Variants in SGCZ observed in about 807,000 individuals in gnomAD.
SGCZ encodes sarcoglycan zeta.
A neutral mutation model predicts 41.3 loss-of-function variants in SGCZ; 40 were observed. The ratio of observed to expected loss-of-function variants is 0.97; its 90% CI spans 0.75 to 1.26. SGCZ has a LOEUF of 1.26. Among genes scored for constraint, SGCZ ranks in the 50% most tolerant of loss-of-function variants. The probability of loss-of-function intolerance (pLI) is 0.00; values close to 1 mark genes in which losing one functional copy is unlikely to be tolerated. For missense variants in SGCZ, 552 were observed against 369.8 expected, an observed-to-expected ratio of 1.49 and a Z score of -4.04; for synonymous variants, 206 against 137.5, an observed-to-expected ratio of 1.50 and a Z score of -3.49.
intron 1 of SGCZ, among the ~76,000 whole-genome samples, chr8:14,650,923 G>T (rs551236218): frequency 3.3e-5 from 5 of 151,866 alleles, no homozygotes; most frequent in Non-Finnish European, 7.4e-5. Context: ...TATTTATAAG[G>T]CAGAGAATCT....
In SGCZ at chr8:14,775,460, A is replaced by ACTGTGTGTGTGT. The variant is rs1358479725; in HGVS notation, c.40-220535_40-220534insACACACACACAG. On this transcript the variant is annotated intron_variant, in intron 1 of 7. Transcript: ENST00000382080. ...GACAGTATGCTGAGTAGAATATTTG[A>ACTGTGTGTGTGT]GTGTGTGTGTGTGTGTGTGTGTGTG... Among the ~76,000 whole-genome samples, 505 of 149,310 alleles carry ACTGTGTGTGTGT rather than the reference A, an allele frequency of 3.4e-3. 5 individuals carry two copies. The highest frequency in any genetic ancestry group is 0.011 in the African/African-American group (439 of 40,706).
intron 1 of SGCZ, among the ~76,000 whole-genome samples, chr8:14,787,304 C>T (rs147713164): frequency 0.01 from 1,594 of 152,094 alleles, 8 homozygotes; most frequent in Middle Eastern, 0.021. Flanking sequence ...GTTGTGCAAA[C>T]CTCCCAAACT....
chr8:14,229,836 C>A lies in SGCZ; in HGVS notation c.424+7756G>T, dbSNP rs901991137. On this transcript the variant is annotated intron_variant, in intron 4 of 7. Coordinates refer to ENST00000382080, the MANE Select transcript of SGCZ (RefSeq NM_139167.4). ...GGGTCTTTAAATATTTATTATAAAA[C>A]CCTCATCTACATTTTTTCTCCATTC... Among the ~76,000 whole-genome samples the A allele has an allele frequency of 5.9e-5, 9 of 151,978 alleles. No homozygotes were observed. The South Asian group carries it at 1.2e-3, about 21-fold the overall frequency.
intron 1 of SGCZ, among the ~76,000 whole-genome samples, chr8:14,736,741 C>G: frequency 6.6e-6 from 1 of 152,038 alleles, no homozygotes; most frequent in Admixed American, 6.6e-5. Flanking sequence ...GTTTTCCATT[C>G]CTGAGTTACT....
chr8:14,872,662 C>T (rs1195256524), intron 1 of SGCZ, among the ~76,000 whole-genome samples: 7 of 151,988 alleles, frequency 4.6e-5, no homozygotes, highest in Non-Finnish European at 1.0e-4. Flanking sequence ...CTAAAGGCAC[C>T]ATAGATCCTG....
At chr8:14,133,437 A>G (rs1803100907) in intron 5 of SGCZ, among the ~76,000 whole-genome samples, 2 of 152,174 alleles carry the variant, frequency 1.3e-5, no homozygotes, top group African/African-American at 4.8e-5. Context: ...TGAAACAGAG[A>G]AGAGCATCTT....
intron 3 of SGCZ, among the ~76,000 whole-genome samples, chr8:14,255,434 A>C (rs1319183718): frequency 6.6e-6 from 1 of 152,042 alleles, no homozygotes; most frequent in African/African-American, 2.4e-5. Flanking sequence ...CTTTTAGCTT[A>C]CTGCTTCTAA....
intron 1 of SGCZ, among the ~76,000 whole-genome samples, chr8:14,558,511 G>T (rs924832388): frequency 6.7e-6 from 1 of 149,622 alleles, no homozygotes; most frequent in African/African-American, 2.5e-5. Flanking sequence ...GAAGGCAGAG[G>T]TTGCAGTGAG....
intron 5 of SGCZ, among the ~76,000 whole-genome samples, chr8:14,153,940 G>GACACACACAC (rs57842795): frequency 3.3e-3 from 467 of 142,842 alleles, no homozygotes; most frequent in Non-Finnish European, 4.8e-3. Context: ...CACACACACA[G>GACACACACAC]ACACACACAC....
chr8:14,590,183 C>A (rs1246545273), intron 1 of SGCZ, among the ~76,000 whole-genome samples: 3 of 151,596 alleles, frequency 2.0e-5, no homozygotes, highest in Admixed American at 2.0e-4. Context: ...CAATTTGAAT[C>A]CAAGAAAAAA....
In SGCZ at chr8:14,324,199, A is replaced by C; in HGVS notation, c.240T>G (p.Gly80=). ...ILKVMNFTVD[G]MGNLRVTKKG... is the part of the protein sequence containing the mutation. ...TCTTGGTGACTCTCAGATTTCCCAT[A>C]CCATCCTACAAGCAATGAAATATAG... The change falls in exon 3 of 8, where the codon GGT becomes GGG. Residue 80 remains glycine (G), a synonymous_variant. Coordinates refer to ENST00000382080, the MANE Select transcript of SGCZ (RefSeq NM_139167.4). 6.2e-7 allele frequency: 1 copy of C among 1,609,134 alleles called. No homozygotes were observed. Among genetic ancestry groups the C allele is most frequent in the South Asian group, 1.1e-5 (1 of 90,976 alleles).
chr8:14,423,180 G>T (rs1008465223), intron 2 of SGCZ, among the ~76,000 whole-genome samples: 5 of 151,776 alleles, frequency 3.3e-5, no homozygotes, highest in African/African-American at 4.8e-5. Flanking sequence ...GCGGAGGGGG[G>T]AGGGATAGCA....
chr8:14,748,283 G>C (rs573229524), intron 1 of SGCZ, among the ~76,000 whole-genome samples: 1 of 152,226 alleles, frequency 6.6e-6, no homozygotes, highest in East Asian at 1.9e-4. Flanking sequence ...AAAGAATTCA[G>C]ACCCAAGTTG....
intron 1 of SGCZ, among the ~76,000 whole-genome samples, chr8:14,895,130 C>G (rs1871700): frequency 0.29 from 44,300 of 151,938 alleles, 8,143 homozygotes; most frequent in African/African-American, 0.52. Flanking sequence ...TGTACTTGCT[C>G]TTAATTTATA....
At chr8:14,388,797 T>G (rs1274392366) in intron 2 of SGCZ, among the ~76,000 whole-genome samples, 1 of 150,224 alleles carries the variant, frequency 6.7e-6, no homozygotes, top group East Asian at 2.0e-4. Flanking sequence ...CCTGCATATG[T>G]ACTCCTGAAC....
chr8:14,167,822 CCAAAGTCATCTTTGGCTGA>C (rs1272874573), intron 4 of SGCZ, among the ~76,000 whole-genome samples: 1 of 152,100 alleles, frequency 6.6e-6, no homozygotes, highest in African/African-American at 2.4e-5. Context: ...TAATCAACAG[CCAAAGTCATCTTTGGCTGA>C]CAAAGAGAGA....
intron 2 of SGCZ, among the ~76,000 whole-genome samples, chr8:14,449,269 G>A (rs1210713158): frequency 6.6e-6 from 1 of 152,068 alleles, no homozygotes; most frequent in South Asian, 2.1e-4. Context: ...ACAAAACATT[G>A]GGTTCACATT....
rs968229778 is a variant in SGCZ at position 14,630,786 on chromosome 8, C to T, written c.40-75860G>A. ...TGTCACAAGGACGGAAAACCAAACA[C>T]CACGTGTTCTCACTCATAGGTGGGA... On this transcript the variant is annotated intron_variant, in intron 1 of 7. Coordinates refer to ENST00000382080, the MANE Select transcript of SGCZ (RefSeq NM_139167.4). Among the ~76,000 whole-genome samples the T allele has an allele frequency of 2.7e-5, 4 of 148,936 alleles. No homozygotes were observed. In the Admixed American group the frequency reaches 2.8e-4, roughly 10 times the overall value.
chr8:14,928,960 C>A (rs370482364), intron 1 of SGCZ, among the ~76,000 whole-genome samples: 1 of 151,992 alleles, frequency 6.6e-6, no homozygotes, highest in Non-Finnish European at 1.5e-5. Context: ...AAATTCATGA[C>A]TGCATTTTTA....
Sources: allele counts gnomAD v4.1 joint callset (sites outside exome capture counted in the v4.1 genomes callset), GRCh38; gene constraint gnomAD v4.1.1; transcripts MANE v1.5; gene names NCBI Gene and HGNC (gene_info 2026-07-23, HGNC 2026-07-21).